Variants in DRC7 observed in about 807,000 individuals in gnomAD.
DRC7 encodes the protein dynein regulatory complex subunit 7.
Under a neutral mutation model 104.4 loss-of-function variants are expected in DRC7, and 80 were observed. The observed-to-expected ratio is 0.77, with a 90% CI of 0.64 to 0.92. The LOEUF is 0.92. Ranked by LOEUF, DRC7 falls within the 40% of genes least tolerant of loss-of-function variation. The pLI, the probability that DRC7 is intolerant of heterozygous loss-of-function variation, is 0.00. For synonymous variants in DRC7, 405 were observed against 447.3 expected (o/e 0.91, Z 1.19); for missense variants, 1,034 against 1,141.1 (o/e 0.91, Z 1.35).
intron 7 of DRC7, among the ~76,000 whole-genome samples, chr16:57,705,725 T>C (rs1249040254): frequency 1.9e-5 from 2 of 103,388 alleles, no homozygotes; most frequent in Non-Finnish European, 1.9e-5. Flanking sequence ...CTCCCATCCA[T>C]CCATCCTCCC....
At chr16:57,710,941 G>A (rs2048786609) in intron 8 of DRC7, among the ~76,000 whole-genome samples, 1 of 152,164 alleles carries the variant, frequency 6.6e-6, no homozygotes, top group African/African-American at 2.4e-5. Context: ...TTGTTCTGTA[G>A]TTTTCTTAGA....
chr16:57,714,359 G>A (rs8052853), intron 8 of DRC7: 9,434 of 160,546 alleles, frequency 0.059, 567 homozygotes, highest in East Asian at 0.23. Context: ...GGCGGCTTAC[G>A]CCTGTAATCC....
chr16:57,722,756 C>T lies in DRC7; in HGVS notation c.1323C>T (p.Tyr441=), dbSNP rs116459230. 8.7e-5 allele frequency: 140 copies of T among 1,613,890 alleles called. No homozygotes were observed. The African/African-American group carries it at 1.4e-3, about 16-fold the overall frequency. The part of the protein sequence containing the change: ...RCPNGKKVIQ[Y]KRAKLEKWAP... ...CGAACGGGAAGAAGGTGATTCAGTA[C>T]AAGAGGGCAAAGCTGGAGAAGTGGG... The change falls in exon 11 of 19, where the codon TAC becomes TAT. Residue 441 remains tyrosine, a synonymous_variant. Coordinates refer to ENST00000360716, the MANE Select transcript of DRC7 (RefSeq NM_001289162.2).
At chr16:57,723,437 T>C (rs1450689266) in intron 12 of DRC7, among the ~76,000 whole-genome samples, 1 of 152,118 alleles carries the variant, frequency 6.6e-6, no homozygotes. Context: ...GGAGGCCACA[T>C]TTAAAGGAGG....
At chr16:57,724,928 A>G in intron 13 of DRC7, 93 bp downstream of exon 13, 1 of 989,256 alleles carries the variant, frequency 1.0e-6, no homozygotes, top group Non-Finnish European at 1.5e-6. Context: ...CTGGGGTGGC[A>G]TTAAGGCCTG....
In DRC7 at chr16:57,704,740, A is replaced by G. The variant is rs533144375; in HGVS notation, c.700-136A>G. Reference sequence around the variant, plus strand: ...TGGAGCTGGAGCTGCATTTAGAGCCAGAAAGGCCACAGGCTACAGGAGTAG... The same window carrying G: ...TGGAGCTGGAGCTGCATTTAGAGCCGGAAAGGCCACAGGCTACAGGAGTAG... On this transcript the variant is annotated intron_variant, in intron 6 of 18. Transcript: ENST00000360716. The G allele has an allele frequency of 1.2e-5, 11 of 927,206 alleles. No individual in the cohort carries two copies. In the East Asian group the frequency reaches 2.6e-4, roughly 22 times the overall value. The allele number at this position is 927,206 out of a possible 1,614,324, so 57.4% of individuals were successfully genotyped here.
rs2148770959 is a variant in DRC7 at position 57,726,191 on chromosome 16, A to G, written c.1882A>G (p.Thr628Ala). The part of the protein sequence containing the change: ...LRYHCREDHI[T>A]ASKREFLRRT... ...CTACCACTGCCGTGAGGACCACATC[A>G]CGGCCTCCAAGCGCGAGTTCCTGCG... Residue 628 changes from threonine to alanine, a missense_variant, in exon 14 of 19, where the codon ACG (threonine) becomes GCG (alanine). Thr to Ala is a moderately conservative substitution (Grantham distance 58). Transcript: ENST00000360716. The G allele has an allele frequency of 6.2e-7, 1 of 1,613,194 alleles. No homozygotes were observed. Among genetic ancestry groups the G allele is most frequent in the African/African-American group, 1.3e-5 (1 of 75,056 alleles).
chr16:57,726,262 C>T lies in DRC7; in HGVS notation c.1953C>T (p.Pro651=), dbSNP rs146164929. The change falls in exon 14 of 19, where the codon CCC becomes CCT. Residue 651 remains proline, a synonymous_variant. Coordinates refer to ENST00000360716, the MANE Select transcript of DRC7 (RefSeq NM_001289162.2). ...DSKGNKIIMT[P]DMCISFEVEP... ...AAGGCAACAAGATCATCATGACGCC[C>T]GACATGTGCATCAGCTTCGAGGTGG... 2 of 1,612,018 alleles carry T rather than the reference C, an allele frequency of 1.2e-6. No homozygotes were observed. Among genetic ancestry groups the T allele is most frequent in the Non-Finnish European group, 1.7e-6 (2 of 1,179,152 alleles).
chr16:57,716,130 CTTAAG>C (rs2048840763), intron 8 of DRC7, among the ~76,000 whole-genome samples: 2 of 152,178 alleles, frequency 1.3e-5, no homozygotes, highest in Non-Finnish European at 2.9e-5. Context: ...AGAAATAGAA[CTTAAG>C]TTAAAGTAAC....
rs2048882986 is a variant in DRC7 at position 57,719,668 on chromosome 16, C to A, written c.1206+1193C>A. On this transcript the variant is annotated intron_variant, in intron 9 of 18. Transcript: ENST00000360716. ...GGGACTACAGACACACACCACCATA[C>A]CCAGCTAATTTTTGTTTTTCAGAGA... 2.0e-5 allele frequency among the ~76,000 whole-genome samples: 3 copies of A among 152,086 alleles called. No homozygotes were observed. In the South Asian group the frequency reaches 6.2e-4, roughly 32 times the overall value.
At chr16:57,708,289 A>T (rs1188766665) in intron 8 of DRC7, among the ~76,000 whole-genome samples, 1 of 152,158 alleles carries the variant, frequency 6.6e-6, no homozygotes. Flanking sequence ...CCCCAGAGTT[A>T]AGCACTATCT....
chr16:57,705,815 C>T (rs2148740109), intron 7 of DRC7, among the ~76,000 whole-genome samples: 2 of 146,956 alleles, frequency 1.4e-5, no homozygotes, highest in South Asian at 4.4e-4. Context: ...TTTCTCCTCC[C>T]ATCCATCCTC....
intron 5 of DRC7, chr16:57,701,484 C>T (rs866429694): frequency 6.3e-6 from 1 of 158,572 alleles, no homozygotes; most frequent in Non-Finnish European, 1.4e-5. Context: ...TGCCCGTGGC[C>T]CTAACCCCAT....
intron 8 of DRC7, 101 bp downstream of exon 8, chr16:57,707,779 C>A: frequency 1.9e-6 from 2 of 1,068,998 alleles, no homozygotes; most frequent in South Asian, 1.3e-5. Context: ...AGCGAGACAC[C>A]AGGCCACGAG....
Position 57,728,433 on chromosome 16 carries a change from A to G in DRC7, c.2240A>G (p.Gln747Arg). ...GAGCACCTGCGGCAGGTGGAGACCCAGCTGGACTACCTGGCCCCATTCCTG... is the reference window on the plus strand; with the variant it reads ...GAGCACCTGCGGCAGGTGGAGACCCGGCTGGACTACCTGGCCCCATTCCTG... Reference protein sequence around the residue: ...HEEHLRQVETQLDYLAPFLAQ... With the variant: ...HEEHLRQVETRLDYLAPFLAQ... Residue 747 changes from glutamine to arginine, a missense_variant, in exon 17 of 19, where the codon CAG becomes CGG. Transcript: ENST00000360716. 6.2e-7 allele frequency: 1 copy of G among 1,610,664 alleles called. No homozygotes were observed. Among genetic ancestry groups the G allele is most frequent in the Non-Finnish European group, 8.5e-7 (1 of 1,178,918 alleles).
chr16:57,728,733 A>T, intron 17 of DRC7, 149 bp downstream of exon 17: 1 of 398,094 alleles, frequency 2.5e-6, no homozygotes, highest in Non-Finnish European at 4.2e-6. Flanking sequence ...CAAATGACTG[A>T]GTTGTTCCTC....
At position 57,721,661 on chromosome 16, in the gene DRC7, C is replaced by A. The variant is rs751485462; in HGVS notation, c.1207-6C>A. On this transcript the variant is annotated splice_region_variant and splice_polypyrimidine_tract_variant and intron_variant, in intron 9 of 18. Transcript: ENST00000360716. ...CCACCTCCCCCACCCCCTTCTCTCCCATCAGGGCAAGGAGGATGAGGATAA... is the reference window on the plus strand; with the variant it reads ...CCACCTCCCCCACCCCCTTCTCTCCAATCAGGGCAAGGAGGATGAGGATAA... The A allele has an allele frequency of 6.2e-7, 1 of 1,611,814 alleles. No homozygotes were observed. The highest frequency in any genetic ancestry group is 8.5e-7 in the Non-Finnish European group (1 of 1,178,278).
intron 16 of DRC7, 123 bp downstream of exon 16, chr16:57,727,532 T>G: frequency 1.5e-6 from 1 of 684,306 alleles, no homozygotes; most frequent in East Asian, 2.7e-5. Flanking sequence ...ATTGATACCA[T>G]GCGGTCATCC....
Position 57,700,236 on chromosome 16 carries a change from T to A in DRC7, c.470T>A (p.Leu157His). 1 of 1,613,970 alleles carries A rather than the reference T, an allele frequency of 6.2e-7. No individual in the cohort carries two copies. Among genetic ancestry groups the A allele is most frequent in the Non-Finnish European group, 8.5e-7 (1 of 1,179,930 alleles). The change falls in exon 5 of 19, where the codon CTC (leucine) becomes CAC (histidine). Residue 157 changes from leucine (L) to histidine (H), a missense_variant. Coordinates refer to ENST00000360716, the MANE Select transcript of DRC7 (RefSeq NM_001289162.2). Reference sequence around the variant, plus strand: ...TGTGCCCAGTTTGTCTCCGACTTCCTCACCATGGTGCCCCTGCCTGACCCT... The same window carrying A: ...TGTGCCCAGTTTGTCTCCGACTTCCACACCATGGTGCCCCTGCCTGACCCT... Reference protein sequence around the residue: ...DSCAQFVSDFLTMVPLPDPLK... With the variant: ...DSCAQFVSDFHTMVPLPDPLK...
Sources: allele counts gnomAD v4.1 joint callset (sites outside exome capture counted in the v4.1 genomes callset), GRCh38; gene constraint gnomAD v4.1.1; transcripts MANE v1.5; gene names NCBI Gene and HGNC (gene_info 2026-07-23, HGNC 2026-07-21).